CIMIP2B: variants seen among roughly 807,000 people sequenced by gnomAD.
The protein encoded by CIMIP2B is family with sequence similarity 166 member B.
chr9:35,562,197 G>T, the CIMIP2B span: 1 of 1,067,892 alleles, frequency 9.4e-7, no homozygotes, highest in Non-Finnish European at 1.3e-6. Context: ...CTAAAATCTG[G>T]CCCTAATTCC....
chr9:35,561,926 C>CTG, the CIMIP2B span: 1 of 374,778 alleles, frequency 2.7e-6, no homozygotes, highest in East Asian at 8.1e-5. Flanking sequence ...CCCACCCTCC[C>CTG]ACCCTCCCAC....
the CIMIP2B span, chr9:35,563,356 G>A: frequency 7.9e-5 from 128 of 1,613,624 alleles, no homozygotes; most frequent in African/African-American, 1.1e-3. Flanking sequence ...TCTGGCCCAC[G>A]CTGAACCGAA....
the CIMIP2B span, chr9:35,562,336 AC>A: frequency 5.5e-5 from 70 of 1,280,570 alleles, no homozygotes; most frequent in Non-Finnish European, 6.7e-5. Flanking sequence ...ACCCATACAA[AC>A]AAACATTCCA....
At chr9:35,563,046 C>T in the CIMIP2B span, 1 of 1,613,998 alleles carries the variant, frequency 6.2e-7, no homozygotes, top group Non-Finnish European at 8.5e-7. Context: ...GGCTGCAGTT[C>T]TTGGCAAAGA....
chr9:35,563,108 G>A, the CIMIP2B span: 85 of 1,613,022 alleles, frequency 5.3e-5, 2 homozygotes, highest in South Asian at 5.5e-4. Context: ...AGGAAGACTC[G>A]TTAGTGTTTG....
the CIMIP2B span, chr9:35,562,420 C>T: frequency 1.3e-6 from 2 of 1,541,376 alleles, no homozygotes; most frequent in Non-Finnish European, 1.7e-6. Context: ...GACCCAGGTT[C>T]TGAGGGTATG....
At chr9:35,562,854 C>G in the CIMIP2B span, 1 of 1,613,892 alleles carries the variant, frequency 6.2e-7, no homozygotes, top group Non-Finnish European at 8.5e-7. Context: ...TCTGCACTCC[C>G]CACCAGCTTC....
the CIMIP2B span, chr9:35,562,536 C>T: frequency 2.7e-5 from 42 of 1,579,222 alleles, no homozygotes; most frequent in Admixed American, 1.7e-4. Context: ...AAGCTGGAGC[C>T]GAAGAGGAAG....
the CIMIP2B span, chr9:35,561,915 C>CG: frequency 3.4e-5 from 13 of 379,006 alleles, no homozygotes; most frequent in Non-Finnish European, 4.5e-5. Flanking sequence ...CTTTGTGTTC[C>CG]CCCACCCTCC....
the CIMIP2B span, chr9:35,562,791 A>ACTC: frequency 3.1e-6 from 5 of 1,607,702 alleles, no homozygotes; most frequent in Non-Finnish European, 4.3e-6. Flanking sequence ...CAGCCACACT[A>ACTC]CTCATGCTGC....
chr9:35,563,312 C>T, the CIMIP2B span: 4 of 1,613,950 alleles, frequency 2.5e-6, no homozygotes, highest in Non-Finnish European at 3.4e-6. Context: ...GCCAGGAGGG[C>T]CTCGAAGTAG....
the CIMIP2B span, chr9:35,562,219 A>G: frequency 2.0e-6 from 2 of 993,684 alleles, no homozygotes; most frequent in Non-Finnish European, 2.9e-6. Context: ...CACTGTGGGT[A>G]GCTACCTCGG....
chr9:35,563,582 C>A, the CIMIP2B span, among the ~76,000 whole-genome samples: 2 of 152,318 alleles, frequency 1.3e-5, no homozygotes, highest in South Asian at 4.1e-4. Flanking sequence ...GAGAACAACA[C>A]AAAGCTTTGG....
At chr9:35,562,832 C>A in the CIMIP2B span, 1 of 1,612,922 alleles carries the variant, frequency 6.2e-7, no homozygotes. Context: ...GTAAGACCCC[C>A]ACTCCCACAC....
At chr9:35,562,441 T>TGG in the CIMIP2B span, 1 of 1,575,214 alleles carries the variant, frequency 6.3e-7, no homozygotes, top group Admixed American at 1.8e-5. Context: ...TTCTGGGAAG[T>TGG]GGGGGGAGAT....
At chr9:35,562,915 T>TCC in the CIMIP2B span, 4 of 1,614,000 alleles carry the variant, frequency 2.5e-6, no homozygotes, top group Non-Finnish European at 3.4e-6. Flanking sequence ...CAGCTGCCCC[T>TCC]CCGGCTCTGG....
chr9:35,562,611 C>A, the CIMIP2B span: 1 of 1,610,990 alleles, frequency 6.2e-7, no homozygotes, highest in Non-Finnish European at 8.5e-7. Flanking sequence ...CATCCTGGGG[C>A]CTCCCCACGC....
the CIMIP2B span, chr9:35,561,914 C>CGGGGG: frequency 2.8e-6 from 1 of 352,444 alleles, no homozygotes. Flanking sequence ...TCTTTGTGTT[C>CGGGGG]CCCCACCCTC....
the CIMIP2B span, chr9:35,561,919 ACCCTCCC>A: frequency 3.7e-5 from 4 of 109,268 alleles, no homozygotes; most frequent in Non-Finnish European, 5.6e-5. Flanking sequence ...GTGTTCCCCC[ACCCTCCC>A]ACCCTCCCAC....
Sources: gnomAD v4.1 joint callset for allele counts (sites outside exome capture counted in the v4.1 genomes callset) on GRCh38, gnomAD v4.1.1 for gene constraint, MANE v1.5 for transcripts, NCBI Gene and HGNC (gene_info 2026-07-23, HGNC 2026-07-21) for gene names.